PIEZO2: variants seen among roughly 807,000 people sequenced by gnomAD.
PIEZO2 encodes the protein piezo-type mechanosensitive ion channel component 2.
In PIEZO2, 172 loss-of-function variants were observed where a neutral mutation model predicts 337.3. That is an observed-to-expected ratio of 0.51 (90% confidence interval 0.45 to 0.58). PIEZO2 has a LOEUF of 0.58. PIEZO2 is among the 20% of genes least tolerant of loss of function. PIEZO2 has a pLI of 0.00. For missense variants in PIEZO2, 3,028 were observed against 3,391.3 expected, an observed-to-expected ratio of 0.89 and a Z score of 2.66; for synonymous variants, 1,251 against 1,228.5, an observed-to-expected ratio of 1.02 and a Z score of -0.38.
At chr18:11,044,166 T>C (rs1401936962) in intron 2 of PIEZO2, among the ~76,000 whole-genome samples, 1 of 149,720 alleles carries the variant, frequency 6.7e-6, no homozygotes, top group Non-Finnish European at 1.5e-5. Flanking sequence ...ATACTATATA[T>C]ATATATACAC....
Position 10,960,870 on chromosome 18 carries a change from G to A in PIEZO2, c.286+18665C>T, listed in dbSNP as rs141017727. ...GTCATCTGAAATGTTCCATTTGGTA[G>A]AAGAGTTCATTAAGAAACTGTGGTA... On this transcript the variant is annotated intron_variant, in intron 3 of 55. Transcript: ENST00000674853. 4.8e-3 allele frequency among the ~76,000 whole-genome samples: 730 copies of A among 152,242 alleles called. 6 individuals are homozygous for A. The highest frequency in any genetic ancestry group is 0.015 in the African/African-American group (613 of 41,550).
At chr18:10,995,785 C>CCACAG (rs1323379916) in intron 2 of PIEZO2, among the ~76,000 whole-genome samples, 14 of 152,110 alleles carry the variant, frequency 9.2e-5, no homozygotes, top group Admixed American at 2.6e-4. Flanking sequence ...GGAGTTGCTG[C>CCACAG]CATGGGGCCA....
At chr18:10,804,143 A>T (rs187590397) in intron 8 of PIEZO2, 149 bp from the exon 9 acceptor site, 6 of 953,310 alleles carry the variant, frequency 6.3e-6, no homozygotes, top group Admixed American at 6.3e-5. Flanking sequence ...AAGACACTTT[A>T]AAAAATGACA....
chr18:11,014,579 G>C (rs1201555686), intron 2 of PIEZO2, among the ~76,000 whole-genome samples: 1 of 147,402 alleles, frequency 6.8e-6, no homozygotes, highest in African/African-American at 2.5e-5. Flanking sequence ...TGTCACCCTG[G>C]GTGGGAGAGC....
At chr18:11,044,050 T>A (rs949320172) in intron 2 of PIEZO2, among the ~76,000 whole-genome samples, 1 of 152,046 alleles carries the variant, frequency 6.6e-6, no homozygotes, top group African/African-American at 2.4e-5. Context: ...CCAAGATTTA[T>A]GCTATTATTC....
chr18:11,141,113 C>G (rs767070523), intron 1 of PIEZO2, among the ~76,000 whole-genome samples: 14 of 152,186 alleles, frequency 9.2e-5, no homozygotes, highest in Admixed American at 6.5e-4. Flanking sequence ...CTAAGTTTGT[C>G]TTATCTAAGC....
intron 1 of PIEZO2, among the ~76,000 whole-genome samples, chr18:11,089,863 G>A (rs992681017): frequency 6.6e-6 from 1 of 152,202 alleles, no homozygotes; most frequent in Non-Finnish European, 1.5e-5. Context: ...CCTTCCTGCA[G>A]CCCTGACCTA....
In PIEZO2 at chr18:10,781,727, CAT is replaced by C. The variant is rs902850273; in HGVS notation, c.2493-1363_2493-1362del. Among the ~76,000 whole-genome samples the C allele has an allele frequency of 1.9e-4, 29 of 152,122 alleles. No homozygotes were observed. The highest frequency in any genetic ancestry group is 6.3e-4 in the African/African-American group (26 of 41,416). Reference sequence around the variant, plus strand: ...TAAATTCTGCTTCATACACAAGTGACATGTGCCTACATTACATCTGTGTGCAT... The same window carrying C: ...TAAATTCTGCTTCATACACAAGTGACGTGCCTACATTACATCTGTGTGCAT... On this transcript the variant is annotated intron_variant, in intron 17 of 55. Transcript: ENST00000674853. The surrounding 1 kb of genome is among the most constrained non-coding windows in gnomAD (Gnocchi z 4.1).
At chr18:11,145,199 C>CT (rs2040777327) in intron 1 of PIEZO2, among the ~76,000 whole-genome samples, 1 of 152,180 alleles carries the variant, frequency 6.6e-6, no homozygotes, top group South Asian at 2.1e-4. Context: ...GTGGCTATGA[C>CT]TATATGCATA....
intron 36 of PIEZO2, among the ~76,000 whole-genome samples, chr18:10,728,731 G>A (rs1267306192): frequency 2.0e-5 from 3 of 151,968 alleles, no homozygotes; most frequent in South Asian, 2.1e-4. Flanking sequence ...CGAGGCGGGC[G>A]GATCATGAGG....
chr18:10,832,941 C>T (rs1450917185), intron 7 of PIEZO2, among the ~76,000 whole-genome samples: 1 of 149,482 alleles, frequency 6.7e-6, no homozygotes, highest in Non-Finnish European at 1.5e-5. Context: ...GAGGAGCCCA[C>T]GTTTCCGCCT....
chr18:11,055,080 A>ATG (rs2037673935), intron 2 of PIEZO2, among the ~76,000 whole-genome samples: 1 of 151,900 alleles, frequency 6.6e-6, no homozygotes, highest in Non-Finnish European at 1.5e-5. Context: ...GCGCGGTGGC[A>ATG]GGCGCCTGTA....
rs1444294066 is a variant in PIEZO2 at position 10,862,257 on chromosome 18, A to G, written c.493-5046T>C. Among the ~76,000 whole-genome samples the G allele has an allele frequency of 6.6e-6, 1 of 152,208 alleles. No homozygotes were observed. The highest frequency in any genetic ancestry group is 1.5e-5 in the Non-Finnish European group (1 of 68,048). On this transcript the variant is annotated intron_variant, in intron 5 of 55. Coordinates refer to ENST00000674853, the MANE Select transcript of PIEZO2 (RefSeq NM_001378183.1). The surrounding 1 kb of genome is among the most constrained non-coding windows in gnomAD (Gnocchi z 4.4). The stretch of plus-strand genomic sequence containing the variant: ...TAAAAATAATAGAATACTGGAAAAC[A>G]TAGATAAAAGTTGCTGATTTCAACA...
Position 10,713,061 on chromosome 18 carries a change from G to A in PIEZO2, c.5423+1703C>T, listed in dbSNP as rs1207229719. On this transcript the variant is annotated intron_variant, in intron 39 of 55. Coordinates refer to ENST00000674853, the MANE Select transcript of PIEZO2 (RefSeq NM_001378183.1). This position sits in a 1 kb window ranked among gnomAD's most constrained non-coding sequence, Gnocchi z 4.5. ...TACCTATTTTAGGGGAGCAGGCAGGGATACACCCATGCACAGTGTTATCTG... is the reference window on the plus strand; with the variant it reads ...TACCTATTTTAGGGGAGCAGGCAGGAATACACCCATGCACAGTGTTATCTG... Among the ~76,000 whole-genome samples the A allele has an allele frequency of 2.0e-5, 3 of 152,106 alleles. No individual in the cohort carries two copies. The highest frequency in any genetic ancestry group is 7.2e-5 in the African/African-American group (3 of 41,426).
intron 3 of PIEZO2, among the ~76,000 whole-genome samples, chr18:10,974,397 G>A (rs1265805770): frequency 6.6e-6 from 1 of 152,160 alleles, no homozygotes; most frequent in Non-Finnish European, 1.5e-5. Flanking sequence ...CTAACCTTTG[G>A]GGGAAGCTGA....
rs2039143338 is a variant in PIEZO2 at position 10,784,461 on chromosome 18, A to G, written c.2492+323T>C. Reference sequence around the variant, plus strand: ...CCTCTGAATTAGCCAGATTCCCTAAATGTTCTAAAAACATATAACCAGCCT... The same window carrying G: ...CCTCTGAATTAGCCAGATTCCCTAAGTGTTCTAAAAACATATAACCAGCCT... On this transcript the variant is annotated intron_variant, in intron 17 of 55. Coordinates refer to ENST00000674853, the MANE Select transcript of PIEZO2 (RefSeq NM_001378183.1). This position sits in a 1 kb window ranked among gnomAD's most constrained non-coding sequence, Gnocchi z 4.5. 1.3e-5 allele frequency among the ~76,000 whole-genome samples: 2 copies of G among 152,206 alleles called. No homozygotes were observed.
At chr18:10,990,727 C>G (rs1321141059) in intron 2 of PIEZO2, among the ~76,000 whole-genome samples, 2 of 143,692 alleles carry the variant, frequency 1.4e-5, no homozygotes, top group African/African-American at 5.1e-5. Context: ...ACACACACAC[C>G]CCTATATAGA....
chr18:10,870,455 G>A lies in PIEZO2; in HGVS notation c.492+798C>T, dbSNP rs1170902808. ...TTGCATCAAATGTCCAAATAAAATA[G>A]TCACTTTTTCCTTTATAAATGTTAT... On this transcript the variant is annotated intron_variant, in intron 5 of 55. Transcript: ENST00000674853. The surrounding 1 kb of genome is among the most constrained non-coding windows in gnomAD (Gnocchi z 5.3). Among the ~76,000 whole-genome samples the A allele has an allele frequency of 6.6e-6, 1 of 151,182 alleles. No individual in the cohort carries two copies. The highest frequency in any genetic ancestry group is 2.4e-5 in the African/African-American group (1 of 41,334).
At chr18:11,062,074 G>T (rs993752645) in intron 2 of PIEZO2, among the ~76,000 whole-genome samples, 27 of 152,194 alleles carry the variant, frequency 1.8e-4, no homozygotes, top group Admixed American at 1.4e-3. Flanking sequence ...TAGACCAATG[G>T]AACAGAACAG....
Sources: gnomAD v4.1 joint callset for allele counts (sites outside exome capture counted in the v4.1 genomes callset) on GRCh38, gnomAD v4.1.1 for gene constraint, Gnocchi (gnomAD v3.1) non-coding constraint, MANE v1.5 for transcripts, NCBI Gene and HGNC (gene_info 2026-07-23, HGNC 2026-07-21) for gene names.